The following GYG1 variants were observed in gnomAD, a reference collection of about 807,000 sequenced individuals.
GYG1 encodes glycogenin 1, also known as glycogenin-1.
GYG1 carries 44 observed loss-of-function variants against 41.9 expected under a neutral mutation model. The ratio of observed to expected loss-of-function variants is 1.05; its 90% confidence interval spans 0.83 to 1.35. The LOEUF (loss-of-function observed/expected upper bound fraction) is 1.35. GYG1 is among the 40% of genes most tolerant of loss of function. GYG1 has a pLI of 0.00. For missense variants in GYG1, 429 were observed against 418.9 expected (o/e 1.02, Z -0.21); for synonymous variants, 141 against 158.1 (o/e 0.89, Z 0.81).
intron 4 of GYG1, among the ~76,000 whole-genome samples, chr3:149,000,175 G>A (rs1713013743): frequency 6.6e-6 from 1 of 152,146 alleles, no homozygotes; most frequent in Non-Finnish European, 1.5e-5. Flanking sequence ...AACCATACGA[G>A]GTACCTGGAC....
chr3:149,008,084 G>T (rs1713506090), intron 4 of GYG1: 1 of 152,208 alleles, frequency 6.6e-6, no homozygotes, highest in African/African-American at 2.4e-5. Flanking sequence ...GACTGAGCAG[G>T]ATCTGCCCAG....
intron 5 of GYG1, among the ~76,000 whole-genome samples, chr3:149,022,421 A>G (rs1048091591): frequency 6.6e-6 from 1 of 151,238 alleles, no homozygotes; most frequent in Non-Finnish European, 1.5e-5. Flanking sequence ...CCTTTCCCCC[A>G]GAGGTAACCA....
chr3:149,000,319 G>A (rs1403865146), intron 4 of GYG1, among the ~76,000 whole-genome samples: 1 of 152,162 alleles, frequency 6.6e-6, no homozygotes, highest in Non-Finnish European at 1.5e-5. Flanking sequence ...AACTGTCTTG[G>A]CACTTACTTC....
intron 5 of GYG1, among the ~76,000 whole-genome samples, chr3:149,015,331 A>G (rs955383407): frequency 6.6e-6 from 1 of 152,236 alleles, no homozygotes; most frequent in Non-Finnish European, 1.5e-5. Flanking sequence ...CAGCATATAA[A>G]TGATACTTAT....
At position 149,028,310 on chromosome 3, in the gene GYG1, A is replaced by G. The variant is rs1445021156; in HGVS notation, c.*1377A>G. On this transcript the variant is annotated 3_prime_UTR_variant, in exon 8 of 8. Transcript: ENST00000345003. ...CCACCTTGAAGGCTGTTACCATAGG[A>G]GCTCAATAAGAACCTGAGGATTTAC... Among the ~76,000 whole-genome samples the G allele has an allele frequency of 6.6e-6, 1 of 152,204 alleles. No individual in the cohort carries two copies. Among genetic ancestry groups the G allele is most frequent in the Non-Finnish European group, 1.5e-5 (1 of 68,034 alleles).
At chr3:149,001,633 T>C (rs1302951617) in intron 4 of GYG1, 4 of 152,200 alleles carry the variant, frequency 2.6e-5, no homozygotes, top group African/African-American at 9.7e-5. Context: ...AAATATTAAT[T>C]GAGAGCCTGC....
At chr3:149,000,664 T>A (rs931414474) in intron 4 of GYG1, among the ~76,000 whole-genome samples, 3 of 152,260 alleles carry the variant, frequency 2.0e-5, no homozygotes, top group Admixed American at 1.3e-4. Context: ...CTGTATGTGT[T>A]AGTTTCAAAA....
intron 1 of GYG1, among the ~76,000 whole-genome samples, chr3:148,993,048 C>T (rs1712578652): frequency 6.6e-6 from 1 of 151,966 alleles, no homozygotes; most frequent in Non-Finnish European, 1.5e-5. Flanking sequence ...CAAAATGTCC[C>T]AACTCGCTGG....
chr3:148,996,941 A>G, intron 4 of GYG1, 37 bp downstream of exon 4: 1 of 1,515,512 alleles, frequency 6.6e-7, no homozygotes, highest in Non-Finnish European at 9.2e-7. Context: ...ATAAGCTGTT[A>G]ATAGTAATTT....
rs1714739490 is a variant in GYG1 at position 149,027,873 on chromosome 3, A to G, written c.*940A>G. ...ACTTACATAGTGTCATCCACACTGC[A>G]CCTCTCTATTAAGTGGGTATTTAGC... is the stretch of plus-strand genomic sequence containing the variant. On this transcript the variant is annotated 3_prime_UTR_variant, in exon 8 of 8. Transcript: ENST00000345003. Among the ~76,000 whole-genome samples the G allele has an allele frequency of 6.6e-6, 1 of 152,232 alleles. No individual in the cohort carries two copies. Among genetic ancestry groups the G allele is most frequent in the Non-Finnish European group, 1.5e-5 (1 of 68,038 alleles).
intron 4 of GYG1, among the ~76,000 whole-genome samples, chr3:149,000,426 C>T (rs918702422): frequency 2.0e-5 from 3 of 152,178 alleles, no homozygotes; most frequent in Non-Finnish European, 4.4e-5. Flanking sequence ...ATAAGGTTAG[C>T]TTCTGGGCAT....
At chr3:149,013,133 G>A (rs1298899413) in intron 5 of GYG1, among the ~76,000 whole-genome samples, 4 of 152,076 alleles carry the variant, frequency 2.6e-5, no homozygotes, top group Admixed American at 6.5e-5. Flanking sequence ...GATTACAGGC[G>A]TGAGCCACTG....
chr3:149,015,399 G>T (rs1190963349), intron 5 of GYG1, among the ~76,000 whole-genome samples: 1 of 152,196 alleles, frequency 6.6e-6, no homozygotes, highest in East Asian at 1.9e-4. Flanking sequence ...GAGTCCTGAG[G>T]ATTGACCCAA....
At chr3:149,005,360 T>C (rs1197360930) in intron 4 of GYG1, among the ~76,000 whole-genome samples, 1 of 152,170 alleles carries the variant, frequency 6.6e-6, no homozygotes, top group Non-Finnish European at 1.5e-5. Context: ...CTAATGCAAT[T>C]ACTATTATTT....
Position 149,028,532 on chromosome 3 carries a change from C to A in GYG1, c.*1599C>A, listed in dbSNP as rs1344224714. On this transcript the variant is annotated 3_prime_UTR_variant, in exon 8 of 8. Coordinates refer to ENST00000345003, the MANE Select transcript of GYG1 (RefSeq NM_004130.4). ...GCTAGTCAGAGGTCTTTCTGGCTTC[C>A]GAGTCCCTGGTTAAGATGAACAGAA... Among the ~76,000 whole-genome samples, 3 of 151,904 alleles carry A rather than the reference C, an allele frequency of 2.0e-5. No homozygotes were observed. The highest frequency in any genetic ancestry group is 4.4e-5 in the Non-Finnish European group (3 of 67,986).
chr3:149,022,959 C>CT (rs35909021), intron 5 of GYG1, among the ~76,000 whole-genome samples: 51,295 of 151,922 alleles, frequency 0.34, 8,688 homozygotes, highest in African/African-American at 0.4. Context: ...AGAACTTTTC[C>CT]TTTAAAAAAG....
chr3:149,023,454 T>G (rs1187898612), intron 5 of GYG1, among the ~76,000 whole-genome samples: 2 of 152,214 alleles, frequency 1.3e-5, no homozygotes, highest in Admixed American at 6.5e-5. Flanking sequence ...AGCATTTCTT[T>G]AGGGTATATG....
In GYG1 at chr3:149,016,587, G is replaced by A. The variant is rs1231747513; in HGVS notation, c.608+7185G>A. ...GTGCTGACATTGTTCTGATTTCCAG[G>A]GTATTATTGGGAGGATTAGTTTGCA... is the stretch of plus-strand genomic sequence containing the variant. On this transcript the variant is annotated intron_variant, in intron 5 of 7. Coordinates refer to ENST00000345003, the MANE Select transcript of GYG1 (RefSeq NM_004130.4). Among the ~76,000 whole-genome samples, 3 of 152,226 alleles carry A rather than the reference G, an allele frequency of 2.0e-5. No individual in the cohort carries two copies. The East Asian group carries it at 5.8e-4, about 29-fold the overall frequency.
chr3:148,996,228 A>G lies in GYG1; in HGVS notation c.144-74A>G, dbSNP rs1712776567. ...TAATTGATGGAGAAGGTAATAAAGC[A>G]TCAGTCTTACAGCAGATGGGTCACT... On this transcript the variant is annotated intron_variant, in intron 2 of 7. Coordinates refer to ENST00000345003, the MANE Select transcript of GYG1 (RefSeq NM_004130.4). 3 of 1,002,134 alleles carry G rather than the reference A, an allele frequency of 3.0e-6. No individual in the cohort carries two copies. The South Asian group carries it at 3.8e-5, about 13-fold the overall frequency. 62.1% of individuals were successfully genotyped at this position (1,002,134 alleles called of 1,614,324 possible).
Sources: gnomAD v4.1 joint callset for allele counts (sites outside exome capture counted in the v4.1 genomes callset) on GRCh38, gnomAD v4.1.1 for gene constraint, MANE v1.5 for transcripts, NCBI Gene and HGNC (gene_info 2026-07-23, HGNC 2026-07-21) for gene names.